The following SCHIP1 variants were observed in gnomAD, a reference collection of about 807,000 sequenced individuals.
SCHIP1 encodes the protein schwannomin interacting protein 1, also known as schwannomin-interacting protein 1.
A neutral mutation model predicts 29.7 loss-of-function variants in SCHIP1; 8 were observed. That is an observed-to-expected ratio of 0.27 (90% CI 0.16 to 0.49). The LOEUF (loss-of-function observed/expected upper bound fraction) is 0.49, where lower values mean the gene tolerates loss of function less well. Ranked by LOEUF, SCHIP1 falls within the 20% of genes least tolerant of loss-of-function variation. SCHIP1 has a pLI of 0.99. For synonymous variants in SCHIP1, 76 were observed against 94.9 expected, an observed-to-expected ratio of 0.80 and a Z score of 1.16; for missense variants, 193 against 294.6, an observed-to-expected ratio of 0.66 and a Z score of 2.52.
At chr3:159,393,554 C>T in the SCHIP1 span, among the ~76,000 whole-genome samples, 1 of 151,378 alleles carries the variant, frequency 6.6e-6, no homozygotes, top group Non-Finnish European at 1.5e-5. Flanking sequence ...TTCCCAGCAC[C>T]ATTTATTAAA....
chr3:159,888,046 A>G lies in SCHIP1; in HGVS notation c.465+141A>G. 3 of 1,189,342 alleles carry G rather than the reference A, an allele frequency of 2.5e-6. No individual in the cohort carries two copies. In the South Asian group the frequency reaches 4.8e-5, roughly 19 times the overall value. The allele number at this position is 1,189,342 out of a possible 1,614,324, so 73.7% of individuals were successfully genotyped here. On this transcript the variant is annotated intron_variant, in intron 4 of 6. Coordinates refer to ENST00000445224, the Ensembl canonical transcript of SCHIP1. Reference sequence around the variant, plus strand: ...AAGTCCTGTCATTGAGAAATGATTAAGTTTGTTTCTTTTTCCTTCCTACTG... The same window carrying G: ...AAGTCCTGTCATTGAGAAATGATTAGGTTTGTTTCTTTTTCCTTCCTACTG...
the SCHIP1 span, among the ~76,000 whole-genome samples, chr3:159,560,330 T>G: frequency 9.2e-5 from 14 of 152,224 alleles, no homozygotes; most frequent in Admixed American, 2.6e-4. Flanking sequence ...TATTGAATTG[T>G]GCTCAGGAAT....
At chr3:159,562,655 C>A in the SCHIP1 span, among the ~76,000 whole-genome samples, 4 of 152,162 alleles carry the variant, frequency 2.6e-5, no homozygotes, top group African/African-American at 9.7e-5. Context: ...AGTCCGTGCC[C>A]AGGAGGGACT....
chr3:159,831,041 A>T, the SCHIP1 span, among the ~76,000 whole-genome samples: 3 of 152,188 alleles, frequency 2.0e-5, no homozygotes, highest in Non-Finnish European at 4.4e-5. Flanking sequence ...TCTGCCAGTG[A>T]CACACAACTT....
intron 2 of SCHIP1, among the ~76,000 whole-genome samples, chr3:159,872,823 T>TTG (rs1430475146): frequency 6.6e-6 from 1 of 152,202 alleles, no homozygotes; most frequent in African/African-American, 2.4e-5. Flanking sequence ...TCAGTTGCAA[T>TTG]TGTGTAACCC....
upstream of SCHIP1, among the ~76,000 whole-genome samples, chr3:159,839,628 C>CTTTTTTTTTTTTTTTT (rs3068349): frequency 2.8e-5 from 2 of 71,710 alleles, no homozygotes; most frequent in Non-Finnish European, 4.9e-5. Flanking sequence ...AGGTCTTTTT[C>CTTTTTTTTTTTTTTTT]TTTTTTTTTT....
chr3:159,780,964 T>G, the SCHIP1 span, among the ~76,000 whole-genome samples: 5 of 152,212 alleles, frequency 3.3e-5, no homozygotes, highest in African/African-American at 9.7e-5. Flanking sequence ...GAGGTGGTTA[T>G]CAGCAGCTCC....
At chr3:159,300,208 A>G in the SCHIP1 span, among the ~76,000 whole-genome samples, 1 of 147,148 alleles carries the variant, frequency 6.8e-6, no homozygotes, top group South Asian at 2.1e-4. Context: ...CTGCAGCTCA[A>G]ACTAAATCCT....
intron 2 of SCHIP1, among the ~76,000 whole-genome samples, chr3:159,885,440 T>C (rs1164218104): frequency 6.6e-6 from 1 of 152,250 alleles, no homozygotes; most frequent in African/African-American, 2.4e-5. Flanking sequence ...GAGTGGCAGC[T>C]ACACGGCCAG....
the SCHIP1 span, among the ~76,000 whole-genome samples, chr3:159,391,452 T>A: frequency 6.6e-6 from 1 of 152,114 alleles, no homozygotes; most frequent in Non-Finnish European, 1.5e-5. Flanking sequence ...ATATGATATA[T>A]TCTCTAAGGA....
At chr3:159,466,117 G>A in the SCHIP1 span, among the ~76,000 whole-genome samples, 7 of 151,946 alleles carry the variant, frequency 4.6e-5, no homozygotes, top group Non-Finnish European at 1.0e-4. Flanking sequence ...TTAGCTAGGG[G>A]GTAAGAAGTA....
the SCHIP1 span, among the ~76,000 whole-genome samples, chr3:159,708,713 C>T: frequency 6.6e-6 from 1 of 152,124 alleles, no homozygotes; most frequent in Admixed American, 6.6e-5. Context: ...GTGACGTACG[C>T]AGGAACTAGC....
At chr3:159,284,413 TAATC>T in the SCHIP1 span, among the ~76,000 whole-genome samples, 12 of 152,332 alleles carry the variant, frequency 7.9e-5, no homozygotes, top group East Asian at 1.9e-4. Context: ...GCTATTGTGT[TAATC>T]AATTCTGTAT....
At chr3:159,838,215 A>T (rs1206290185), upstream of SCHIP1, among the ~76,000 whole-genome samples, 1 of 152,224 alleles carries the variant, frequency 6.6e-6, no homozygotes, top group Admixed American at 6.5e-5. Context: ...CTTGAACCTC[A>T]AATAGTAAAA....
chr3:159,865,764 G>A (rs776992951), intron 1 of SCHIP1, among the ~76,000 whole-genome samples: 15 of 152,226 alleles, frequency 9.9e-5, no homozygotes, highest in Non-Finnish European at 2.1e-4. Context: ...GACGTGTAAA[G>A]CAGAGAGAAG....
chr3:159,381,253 C>T, the SCHIP1 span, among the ~76,000 whole-genome samples: 1 of 152,166 alleles, frequency 6.6e-6, no homozygotes, highest in Admixed American at 6.5e-5. Context: ...AACTTTTGAA[C>T]TTAAAGAGTC....
At chr3:159,495,663 G>C in the SCHIP1 span, among the ~76,000 whole-genome samples, 1 of 152,112 alleles carries the variant, frequency 6.6e-6, no homozygotes, top group Non-Finnish European at 1.5e-5. Context: ...AATCAATATC[G>C]TGAAAATGGC....
the SCHIP1 span, among the ~76,000 whole-genome samples, chr3:159,655,693 G>T: frequency 1.3e-5 from 2 of 152,124 alleles, no homozygotes; most frequent in African/African-American, 2.4e-5. Flanking sequence ...TTTGAGACAA[G>T]CCTAGCCATC....
the SCHIP1 span, among the ~76,000 whole-genome samples, chr3:159,384,312 G>A: frequency 6.6e-6 from 1 of 151,760 alleles, no homozygotes; most frequent in Admixed American, 6.6e-5. Context: ...AGAGTTTTTA[G>A]CATGAAGCGT....
Sources: gnomAD v4.1 joint callset for allele counts (sites outside exome capture counted in the v4.1 genomes callset) on GRCh38, gnomAD v4.1.1 for gene constraint, MANE v1.5 for transcripts, NCBI Gene and HGNC (gene_info 2026-07-23, HGNC 2026-07-21) for gene names.